ABRAXAS2: variants seen among roughly 807,000 people sequenced by gnomAD.
The protein encoded by ABRAXAS2 is abraxas 2, BRISC complex subunit, also known as BRISC complex subunit Abraxas 2.
A neutral mutation model predicts 49.0 loss-of-function variants in ABRAXAS2; 23 were observed. The observed-to-expected ratio is 0.47, with a 90% CI of 0.34 to 0.66. ABRAXAS2 has a LOEUF of 0.66. Ranked by LOEUF, ABRAXAS2 falls within the 30% of genes least tolerant of loss-of-function variation. The pLI, the probability that ABRAXAS2 is intolerant of heterozygous loss-of-function variation, is 0.01. For synonymous variants in ABRAXAS2, 168 were observed against 180.2 expected (o/e 0.93, Z 0.54); for missense variants, 443 against 511.9 (o/e 0.87, Z 1.30).
chr10:124,828,361 ATTATTTAT>A (rs560793837), intron 5 of ABRAXAS2, among the ~76,000 whole-genome samples: 2 of 151,616 alleles, frequency 1.3e-5, no homozygotes, highest in African/African-American at 4.9e-5. Flanking sequence ...TTTTTAAAAA[ATTATTTAT>A]TTATTTATTT....
At chr10:124,801,987 G>C in intron 1 of ABRAXAS2, 86 bp downstream of exon 1, 3 of 1,400,272 alleles carry the variant, frequency 2.1e-6, no homozygotes, top group South Asian at 1.2e-5. Flanking sequence ...GGGACCTCAT[G>C]CGGCTCGCCC....
In ABRAXAS2 at chr10:124,833,373, G is replaced by T. The variant is rs542611756; in HGVS notation, c.779-1129G>T. ...CCAGCTTCTTGGGAGGCTGAGGTGG[G>T]AGAATCACCTGAGCCTGACAGGTCA... On this transcript the variant is annotated intron_variant, in intron 8 of 8. Transcript: ENST00000298492. Among the ~76,000 whole-genome samples the T allele has an allele frequency of 2.0e-5, 3 of 151,946 alleles. No individual in the cohort carries two copies. In the South Asian group the frequency reaches 6.2e-4, roughly 32 times the overall value.
chr10:124,830,880 T>C (rs1414667908), intron 7 of ABRAXAS2, among the ~76,000 whole-genome samples: 1 of 152,278 alleles, frequency 6.6e-6, no homozygotes, highest in Non-Finnish European at 1.5e-5. Flanking sequence ...CTCAGATAGC[T>C]ATCTTTTATT....
Position 124,831,408 on chromosome 10 carries a change from G to T in ABRAXAS2, c.723G>T (p.Val241=). 6.2e-7 allele frequency: 1 copy of T among 1,612,682 alleles called. No individual in the cohort carries two copies. Among genetic ancestry groups the T allele is most frequent in the South Asian group, 1.1e-5 (1 of 90,958 alleles). Residue 241 remains valine (V), a synonymous_variant, in exon 8 of 9, where the codon GTG becomes GTT. Coordinates refer to ENST00000298492, the MANE Select transcript of ABRAXAS2 (RefSeq NM_032182.4). ...TTGTTGAATCTTGTCAGGCAGAAGT[G>T]AACAAATTAAGAAGACAAATCACTC... ...ERVVESCQAE[V]NKLRRQITQR...
rs1950955365 is a variant in ABRAXAS2 at position 124,834,532 on chromosome 10, T to G, written c.809T>G (p.Met270Arg). The change falls in exon 9 of 9, where the codon ATG becomes AGG. Residue 270 changes from methionine (M) to arginine (R), a missense_variant. Coordinates refer to ENST00000298492, the MANE Select transcript of ABRAXAS2 (RefSeq NM_032182.4). ...RLQQAVLSRQ[M>R]PSESLDPAFS... ...CAGCAGGCAGTGTTAAGCAGACAGA[T>G]GCCGTCTGAAAGCTTGGACCCAGCG... The G allele has an allele frequency of 6.2e-7, 1 of 1,614,126 alleles. No homozygotes were observed.
chr10:124,815,534 C>G (rs1210698185), intron 2 of ABRAXAS2, among the ~76,000 whole-genome samples: 1 of 152,108 alleles, frequency 6.6e-6, no homozygotes, highest in Non-Finnish European at 1.5e-5. Flanking sequence ...CAGCCTGGAA[C>G]TCTGAGGCTG....
chr10:124,822,521 G>A (rs556076495), intron 4 of ABRAXAS2, among the ~76,000 whole-genome samples: 4 of 152,084 alleles, frequency 2.6e-5, no homozygotes, highest in South Asian at 2.1e-4. Flanking sequence ...AGCCGGGCTC[G>A]GTGGCTCATG....
At chr10:124,824,756 GTAATTCCAAC>G in intron 4 of ABRAXAS2, among the ~76,000 whole-genome samples, 1 of 152,268 alleles carries the variant, frequency 6.6e-6, no homozygotes, top group East Asian at 1.9e-4. Flanking sequence ...TGCTGAGTAG[GTAATTCCAAC>G]ATTCCAAGTA....
chr10:124,812,423 T>G (rs1212539740), intron 2 of ABRAXAS2, among the ~76,000 whole-genome samples: 2 of 152,104 alleles, frequency 1.3e-5, no homozygotes, highest in Non-Finnish European at 2.9e-5. Context: ...GGTAGGAGGA[T>G]TGCTTGAGGC....
At chr10:124,834,356 A>G (rs1204619926) in intron 8 of ABRAXAS2, 146 bp from the exon 9 acceptor site, 3 of 647,988 alleles carry the variant, frequency 4.6e-6, no homozygotes, top group South Asian at 3.9e-5. Flanking sequence ...ATCAAGTACT[A>G]TGCAATTGTA....
intron 4 of ABRAXAS2, among the ~76,000 whole-genome samples, chr10:124,821,569 GA>G (rs552390065): frequency 2.7e-5 from 4 of 146,638 alleles, no homozygotes; most frequent in African/African-American, 5.0e-5. Flanking sequence ...CCCTGCCTTG[GA>G]AAAAAAAAAG....
intron 4 of ABRAXAS2, 70 bp downstream of exon 4, chr10:124,819,520 G>A: frequency 7.3e-7 from 1 of 1,361,544 alleles, no homozygotes; most frequent in Non-Finnish European, 1.0e-6. Flanking sequence ...AAACCAGACA[G>A]GAATGTAAAA....
chr10:124,822,676 C>T (rs1950869245), intron 4 of ABRAXAS2, among the ~76,000 whole-genome samples: 2 of 151,696 alleles, frequency 1.3e-5, no homozygotes, highest in African/African-American at 4.8e-5. Flanking sequence ...CCTGTAATCC[C>T]AGCTACTCGG....
intron 3 of ABRAXAS2, among the ~76,000 whole-genome samples, chr10:124,817,633 C>G (rs941614593): frequency 2.0e-5 from 3 of 152,096 alleles, no homozygotes; most frequent in African/African-American, 7.2e-5. Flanking sequence ...TTCTGCTTGC[C>G]GCTTCCTGCT....
chr10:124,832,548 C>G (rs1950939818), intron 8 of ABRAXAS2, among the ~76,000 whole-genome samples: 1 of 152,114 alleles, frequency 6.6e-6, no homozygotes, highest in Non-Finnish European at 1.5e-5. Context: ...TAGAAATAAT[C>G]AGAAATACAG....
rs78978729 is a variant in ABRAXAS2 at position 124,808,210 on chromosome 10, C to T, written c.163+1289C>T. Among the ~76,000 whole-genome samples, 156 of 150,210 alleles carry T rather than the reference C, an allele frequency of 1.0e-3. 1 individual carries two copies. In the East Asian group the frequency reaches 0.024, roughly 23 times the overall value. On this transcript the variant is annotated intron_variant, in intron 2 of 8. Transcript: ENST00000298492. ...TTTTTTTTTGAGACGGAGTCTTGCT[C>T]TGTCGCCCAGGCTAGAGTGCAGTGG...
In ABRAXAS2 at chr10:124,828,808, C is replaced by G. The variant is rs769984157; in HGVS notation, c.511C>G (p.Gln171Glu). ...AIPNLGNTSQQEYKVSSVPNT... is the reference protein window; with the variant it reads ...AIPNLGNTSQEEYKVSSVPNT... ...TCCCAATCTAGGAAATACTAGCCAG[C>G]AAGAGTACAAAGTGTCTTCAGTGCC... The change falls in exon 6 of 9, where the codon CAA becomes GAA. Residue 171 changes from glutamine (Q) to glutamate (E), a missense_variant. By Grantham distance (29) the Gln-to-Glu change is conservative. Around this residue, in one of 3 missense-constraint regions of ABRAXAS2, gnomAD observed 166 missense variants for 247.3 expected, o/e 0.67. Coordinates refer to ENST00000298492, the MANE Select transcript of ABRAXAS2 (RefSeq NM_032182.4). The G allele has an allele frequency of 9.3e-6, 15 of 1,613,222 alleles. No homozygotes were observed. Among genetic ancestry groups the G allele is most frequent in the Non-Finnish European group, 1.1e-5 (13 of 1,179,380 alleles).
chr10:124,805,694 G>C (rs928851462), intron 1 of ABRAXAS2, among the ~76,000 whole-genome samples: 2 of 152,130 alleles, frequency 1.3e-5, no homozygotes, highest in Admixed American at 1.3e-4. Flanking sequence ...AGGTAAAGGG[G>C]GCAGAGTGCC....
intron 1 of ABRAXAS2, among the ~76,000 whole-genome samples, chr10:124,806,305 C>CA (rs1241550138): frequency 2.0e-4 from 19 of 94,730 alleles, no homozygotes; most frequent in African/African-American, 3.2e-4. Context: ...GATTCCGTCT[C>CA]AAAAAAAAAA....
Sources: allele counts gnomAD v4.1 joint callset (sites outside exome capture counted in the v4.1 genomes callset), GRCh38; gene constraint gnomAD v4.1.1; regional missense constraint gnomAD v4.1.1; transcripts MANE v1.5; gene names NCBI Gene and HGNC (gene_info 2026-07-23, HGNC 2026-07-21).